PIEZO2: variants seen among roughly 807,000 people sequenced by gnomAD.
The protein encoded by PIEZO2 is piezo-type mechanosensitive ion channel component 2.
PIEZO2 carries 172 observed loss-of-function variants against 337.3 expected under a neutral mutation model. The observed-to-expected ratio is 0.51, with a 90% CI of 0.45 to 0.58. The LOEUF is 0.58. Among genes scored for constraint, PIEZO2 ranks in the 20% least tolerant of loss-of-function variants. PIEZO2 has a pLI of 0.00. For synonymous variants in PIEZO2, 1,251 were observed against 1,228.5 expected, an observed-to-expected ratio of 1.02 and a Z score of -0.38; for missense variants, 3,028 against 3,391.3, an observed-to-expected ratio of 0.89 and a Z score of 2.66.
At position 10,763,227 on chromosome 18, in the gene PIEZO2, G is replaced by A; in HGVS notation, c.2947-129C>T. The A allele has an allele frequency of 4.1e-6, 4 of 966,266 alleles. No individual in the cohort carries two copies. In the South Asian group the frequency reaches 6.6e-5, roughly 16 times the overall value. 59.9% of individuals were successfully genotyped at this position (966,266 alleles called of 1,614,324 possible). ...CAGACTGGATTCCTAGCATGCGCAAGGAATTGCCCTAGGTGCTGGGGTACT... is the reference window on the plus strand; with the variant it reads ...CAGACTGGATTCCTAGCATGCGCAAAGAATTGCCCTAGGTGCTGGGGTACT... On this transcript the variant is annotated intron_variant, in intron 21 of 55. Coordinates refer to ENST00000674853, the MANE Select transcript of PIEZO2 (RefSeq NM_001378183.1).
chr18:10,741,539 A>T (rs771315701), intron 32 of PIEZO2, among the ~76,000 whole-genome samples: 3 of 152,242 alleles, frequency 2.0e-5, no homozygotes, highest in Non-Finnish European at 2.9e-5. Flanking sequence ...GCTGGAAAAT[A>T]TAAATTTCCT....
In PIEZO2 at chr18:11,080,410, A is replaced by AG. The variant is rs2038697197; in HGVS notation, c.65-14189dup. On this transcript the variant is annotated intron_variant, in intron 1 of 55. Transcript: ENST00000674853. The surrounding 1 kb of genome is among the most constrained non-coding windows in gnomAD (Gnocchi z 5.4). Reference sequence around the variant, plus strand: ...ATCTATACATGCTACTTCCTTGATTAGACTGTAACCCCCTTAAGAGTAGGG... The same window carrying AG: ...ATCTATACATGCTACTTCCTTGATTAGGACTGTAACCCCCTTAAGAGTAGGG... 6.6e-6 allele frequency among the ~76,000 whole-genome samples: 1 copy of AG among 152,238 alleles called. No individual in the cohort carries two copies. The highest frequency in any genetic ancestry group is 6.5e-5 in the Admixed American group (1 of 15,284).
intron 2 of PIEZO2, among the ~76,000 whole-genome samples, chr18:11,042,896 G>C (rs1358107122): frequency 2.0e-5 from 3 of 152,142 alleles, no homozygotes; most frequent in Non-Finnish European, 4.4e-5. Context: ...GGTTAAATGA[G>C]ATACAGAAAA....
In PIEZO2 at chr18:11,080,644, G is replaced by T. The variant is rs939366483; in HGVS notation, c.65-14422C>A. 1.3e-5 allele frequency among the ~76,000 whole-genome samples: 2 copies of T among 152,208 alleles called. No individual in the cohort carries two copies. The highest frequency in any genetic ancestry group is 4.8e-5 in the African/African-American group (2 of 41,444). ...GCAGATCATGAGGTCAGGAGATCAA[G>T]ACTATCCTGGCCAACACGGTGAAAC... On this transcript the variant is annotated intron_variant, in intron 1 of 55. Coordinates refer to ENST00000674853, the MANE Select transcript of PIEZO2 (RefSeq NM_001378183.1). This position sits in a 1 kb window ranked among gnomAD's most constrained non-coding sequence, Gnocchi z 5.4.
At chr18:11,072,932 G>A (rs954003078) in intron 1 of PIEZO2, among the ~76,000 whole-genome samples, 14 of 152,182 alleles carry the variant, frequency 9.2e-5, no homozygotes, top group African/African-American at 2.9e-4. Flanking sequence ...ACCCCTTCAC[G>A]CACCCTCTGC....
chr18:10,801,628 CTTGATG>C (rs1238337659), intron 9 of PIEZO2, among the ~76,000 whole-genome samples, 200 bp from the exon 10 acceptor site: 1 of 146,946 alleles, frequency 6.8e-6, no homozygotes, highest in African/African-American at 2.5e-5. Flanking sequence ...TTTCACAGCT[CTTGATG>C]TTAATGTTTA....
At chr18:10,989,032 T>C (rs1416554310) in intron 2 of PIEZO2, among the ~76,000 whole-genome samples, 4 of 152,094 alleles carry the variant, frequency 2.6e-5, no homozygotes, top group African/African-American at 4.8e-5. Context: ...TGATTATAGA[T>C]AACAATACTG....
chr18:10,691,257 G>A lies in PIEZO2; in HGVS notation c.7317C>T (p.Ser2439=), dbSNP rs754942478. Residue 2439 remains serine (S), a synonymous_variant, in exon 48 of 56, where the codon AGC becomes AGT. Transcript: ENST00000674853. ...ATAAGAAGAGGTTGACGTAATTGTA[G>A]CTCTTGGTGAGGAAGTTCCCCAGGA... is the stretch of plus-strand genomic sequence containing the variant. ...TRVLGNFLTK[S]YNYVNLFLFQ... 8.4e-5 allele frequency: 136 copies of A among 1,613,880 alleles called. 2 individuals are homozygous for A. In the Admixed American group the frequency reaches 1.6e-3, roughly 19 times the overall value.
At chr18:11,017,424 C>T (rs1370600304) in intron 2 of PIEZO2, among the ~76,000 whole-genome samples, 1 of 150,538 alleles carries the variant, frequency 6.6e-6, no homozygotes, top group Non-Finnish European at 1.5e-5. Context: ...CATTTCATTA[C>T]AATAAACACA....
At chr18:10,957,855 A>G (rs2033608946) in intron 3 of PIEZO2, among the ~76,000 whole-genome samples, 1 of 152,206 alleles carries the variant, frequency 6.6e-6, no homozygotes, top group African/African-American at 2.4e-5. Context: ...ACGGGCGAAG[A>G]ATCTGAACAA....
At chr18:10,814,695 G>A (rs1201315664) in intron 7 of PIEZO2, among the ~76,000 whole-genome samples, 2 of 152,174 alleles carry the variant, frequency 1.3e-5, no homozygotes, top group Non-Finnish European at 2.9e-5. Flanking sequence ...CCTGGAAAGG[G>A]TTTGGTGACA....
At chr18:10,808,393 G>C (rs34796657) in intron 7 of PIEZO2, among the ~76,000 whole-genome samples, 67,166 of 133,354 alleles carry the variant, frequency 0.5, 15,216 homozygotes, top group East Asian at 0.67. Context: ...CACCCAGCCT[G>C]TTTGCACTTT....
At chr18:11,100,350 A>G (rs1014898539) in intron 1 of PIEZO2, among the ~76,000 whole-genome samples, 9 of 152,364 alleles carry the variant, frequency 5.9e-5, no homozygotes, top group Middle Eastern at 3.4e-3. Context: ...GCTTTTCCAA[A>G]AAGCAATGGA....
At chr18:10,798,915 G>C (rs1170317972) in intron 11 of PIEZO2, among the ~76,000 whole-genome samples, 1 of 152,134 alleles carries the variant, frequency 6.6e-6, no homozygotes, top group African/African-American at 2.4e-5. Context: ...GCAGAAACAG[G>C]GAACGAAACA....
chr18:10,697,683 T>C (rs2277858), intron 45 of PIEZO2, 65 bp downstream of exon 45: 58,648 of 1,567,728 alleles, frequency 0.037, 2,866 homozygotes, highest in East Asian at 0.24. Context: ...TCCTGGTTTA[T>C]AGGAAATAAT....
chr18:11,125,718 A>T lies in PIEZO2; in HGVS notation c.64+22807T>A, dbSNP rs911650277. Among the ~76,000 whole-genome samples the T allele has an allele frequency of 4.6e-5, 7 of 152,238 alleles. No homozygotes were observed. Among genetic ancestry groups the T allele is most frequent in the Non-Finnish European group, 8.8e-5 (6 of 68,036 alleles). Reference sequence around the variant, plus strand: ...AGAGTCTAGTTCAGGGCAGGACAACATTCCAGCCCCCACTGACAGCAACTC... The same window carrying T: ...AGAGTCTAGTTCAGGGCAGGACAACTTTCCAGCCCCCACTGACAGCAACTC... On this transcript the variant is annotated intron_variant, in intron 1 of 55. Coordinates refer to ENST00000674853, the MANE Select transcript of PIEZO2 (RefSeq NM_001378183.1). This position sits in a 1 kb window ranked among gnomAD's most constrained non-coding sequence, Gnocchi z 4.4.
intron 3 of PIEZO2, among the ~76,000 whole-genome samples, chr18:10,939,578 T>G (rs1234857793): frequency 1.3e-5 from 2 of 152,214 alleles, no homozygotes; most frequent in Non-Finnish European, 1.5e-5. Context: ...CATGGTATAC[T>G]ATGCAGCCAT....
chr18:10,890,808 T>A (rs972394215), intron 4 of PIEZO2: 1 of 152,142 alleles, frequency 6.6e-6, no homozygotes, highest in Non-Finnish European at 1.5e-5. Context: ...GAGCTTACCA[T>A]CCCTCCTGCT....
intron 35 of PIEZO2, among the ~76,000 whole-genome samples, chr18:10,733,658 C>T (rs905974175): frequency 2.0e-5 from 3 of 152,066 alleles, no homozygotes; most frequent in Non-Finnish European, 4.4e-5. Context: ...CTGTGTTAGC[C>T]AGGATGGTCT....
Sources: gnomAD v4.1 joint callset for allele counts (sites outside exome capture counted in the v4.1 genomes callset) on GRCh38, gnomAD v4.1.1 for gene constraint, Gnocchi (gnomAD v3.1) non-coding constraint, MANE v1.5 for transcripts, NCBI Gene and HGNC (gene_info 2026-07-23, HGNC 2026-07-21) for gene names.